RAPGEF6: variants seen among roughly 807,000 people sequenced by gnomAD.
RAPGEF6 encodes the protein Rap guanine nucleotide exchange factor 6.
A neutral mutation model predicts 171.4 loss-of-function variants in RAPGEF6; 56 were observed. The ratio of observed to expected loss-of-function variants is 0.33; its 90% CI spans 0.26 to 0.41. The LOEUF is 0.41. RAPGEF6 is among the 10% of genes least tolerant of loss of function. The pLI, the probability that RAPGEF6 is intolerant of heterozygous loss-of-function variation, is 1.00. For synonymous variants in RAPGEF6, 692 were observed against 650.1 expected, an observed-to-expected ratio of 1.06 and a Z score of -0.98; for missense variants, 1,674 against 1,921.4, an observed-to-expected ratio of 0.87 and a Z score of 2.41.
At chr5:131,510,598 G>A (rs1267104862) in intron 7 of RAPGEF6, 107 bp from the exon 8 acceptor site, 2 of 1,001,456 alleles carry the variant, frequency 2.0e-6, no homozygotes, top group Non-Finnish European at 2.9e-6. Context: ...AAAGACTTGG[G>A]CAACGCTGGA....
chr5:131,463,671 T>A, intron 18 of RAPGEF6: 1 of 856,362 alleles, frequency 1.2e-6, no homozygotes, highest in Non-Finnish European at 1.4e-6. Context: ...TTAAAATTTT[T>A]AAAATTTTCC....
At chr5:131,587,058 C>A (rs1763295037) in intron 4 of RAPGEF6, among the ~76,000 whole-genome samples, 1 of 152,224 alleles carries the variant, frequency 6.6e-6, no homozygotes, top group South Asian at 2.1e-4. Flanking sequence ...GGGAAGCATA[C>A]TAGCAGAAAT....
At chr5:131,440,198 T>G (rs941739325) in intron 23 of RAPGEF6, 1 of 456,350 alleles carries the variant, frequency 2.2e-6, no homozygotes, top group Non-Finnish European at 4.4e-6. Flanking sequence ...GGGCTGCCAG[T>G]CCAGCCCTTT....
intron 1 of RAPGEF6, among the ~76,000 whole-genome samples, chr5:131,617,546 G>A (rs964040535): frequency 5.3e-5 from 8 of 152,058 alleles, no homozygotes; most frequent in Non-Finnish European, 1.0e-4. Context: ...TCCACCTCCC[G>A]GGTTCAAGCG....
intron 5 of RAPGEF6, among the ~76,000 whole-genome samples, chr5:131,549,491 A>G (rs1760773561): frequency 6.6e-6 from 1 of 152,164 alleles, no homozygotes; most frequent in Non-Finnish European, 1.5e-5. Flanking sequence ...ATAAAGTTCA[A>G]TTTATAAATT....
chr5:131,463,952 A>G lies in RAPGEF6; in HGVS notation c.2480+89T>C, dbSNP rs980491514. ...GTGAATTTAGGAGCACTAAAACATG[A>G]TAATGTTTCTACTTACAATAGCTGT... On this transcript the variant is annotated intron_variant, in intron 18 of 27. Coordinates refer to ENST00000509018, the MANE Select transcript of RAPGEF6 (RefSeq NM_016340.6). 9.4e-6 allele frequency: 14 copies of G among 1,491,226 alleles called. No individual in the cohort carries two copies. In the South Asian group the frequency reaches 1.9e-4, roughly 20 times the overall value. 92.4% of individuals were successfully genotyped at this position (1,491,226 alleles called of 1,614,324 possible).
At chr5:131,593,617 C>T (rs898231707) in intron 3 of RAPGEF6, among the ~76,000 whole-genome samples, 4 of 152,122 alleles carry the variant, frequency 2.6e-5, no homozygotes. Flanking sequence ...ACAATGAAGT[C>T]CAGGCTGAGG....
At chr5:131,617,117 A>G (rs1765312563) in intron 1 of RAPGEF6, among the ~76,000 whole-genome samples, 2 of 152,226 alleles carry the variant, frequency 1.3e-5, no homozygotes, top group East Asian at 3.8e-4. Context: ...ATGCTGAGGA[A>G]TCTTCTACAA....
intron 7 of RAPGEF6, chr5:131,511,257 A>C (rs901207138): frequency 4.0e-4 from 61 of 152,150 alleles, no homozygotes; most frequent in African/African-American, 1.5e-3. Flanking sequence ...GGTACTAAGT[A>C]GATTCTTAAA....
chr5:131,456,439 G>A (rs1753508829), intron 19 of RAPGEF6, among the ~76,000 whole-genome samples: 1 of 152,106 alleles, frequency 6.6e-6, no homozygotes, highest in Non-Finnish European at 1.5e-5. Flanking sequence ...TGCACCTTAG[G>A]AAGCCTTTTT....
intron 3 of RAPGEF6, among the ~76,000 whole-genome samples, chr5:131,601,449 A>G (rs1168490378): frequency 6.6e-6 from 1 of 152,120 alleles, no homozygotes; most frequent in Non-Finnish European, 1.5e-5. Flanking sequence ...GACATACCCA[A>G]CAAAGGACTT....
Position 131,461,775 on chromosome 5 carries a change from T to C in RAPGEF6, c.2794A>G (p.Lys932Glu). Reference sequence around the variant, plus strand: ...TGAAGTGCAATTTTAATAAAATGCTTAATAATCTTCATTCGTTTGAGCTGA... The same window carrying C: ...TGAAGTGCAATTTTAATAAAATGCTCAATAATCTTCATTCGTTTGAGCTGA... ...ANQLKRMKIIKHFIKIALHCR... is the reference protein window; with the variant it reads ...ANQLKRMKIIEHFIKIALHCR... The change falls in exon 19 of 28, where the codon AAG becomes GAG. Residue 932 changes from lysine (K) to glutamate (E), a missense_variant. Transcript: ENST00000509018. The C allele has an allele frequency of 1.2e-6, 2 of 1,612,804 alleles. No homozygotes were observed. The highest frequency in any genetic ancestry group is 1.7e-6 in the Non-Finnish European group (2 of 1,178,914).
intron 15 of RAPGEF6, among the ~76,000 whole-genome samples, chr5:131,485,944 C>CT (rs940673837): frequency 6.6e-5 from 10 of 152,164 alleles, no homozygotes; most frequent in African/African-American, 2.2e-4. Flanking sequence ...TTGCTTGACT[C>CT]TGTTTTTAAA....
At chr5:131,492,545 A>T in intron 14 of RAPGEF6, 37 bp downstream of exon 14, 1 of 1,592,680 alleles carries the variant, frequency 6.3e-7, no homozygotes, top group South Asian at 1.1e-5. Context: ...AATACTTTTA[A>T]GAAGGCTTGA....
At chr5:131,558,478 CT>C (rs1020123448) in intron 5 of RAPGEF6, among the ~76,000 whole-genome samples, 70 of 152,124 alleles carry the variant, frequency 4.6e-4, no homozygotes, top group Middle Eastern at 3.4e-3. Context: ...TTTTATGCCA[CT>C]GATATTTATT....
intron 6 of RAPGEF6, among the ~76,000 whole-genome samples, chr5:131,525,980 A>G (rs1198971516): frequency 6.6e-6 from 1 of 152,208 alleles, no homozygotes; most frequent in Non-Finnish European, 1.5e-5. Flanking sequence ...CGATTAAGCA[A>G]CTTATCCCAG....
At chr5:131,430,734 T>C in intron 26 of RAPGEF6, 125 bp downstream of exon 26, 1 of 1,311,872 alleles carries the variant, frequency 7.6e-7, no homozygotes, top group Non-Finnish European at 1.1e-6. Flanking sequence ...TGTTTGTTTG[T>C]GAAGGAAAGA....
At chr5:131,593,038 AG>A (rs1404757437) in intron 3 of RAPGEF6, among the ~76,000 whole-genome samples, 3 of 152,256 alleles carry the variant, frequency 2.0e-5, no homozygotes, top group African/African-American at 7.2e-5. Context: ...GTAAATGAAC[AG>A]AAGATTAAAA....
At chr5:131,463,746 A>T in intron 18 of RAPGEF6, 2 of 1,020,260 alleles carry the variant, frequency 2.0e-6, no homozygotes. Context: ...TCTTTTGCCA[A>T]AGTACATACT....
Sources: allele counts gnomAD v4.1 joint callset (sites outside exome capture counted in the v4.1 genomes callset), GRCh38; gene constraint gnomAD v4.1.1; transcripts MANE v1.5; gene names NCBI Gene and HGNC (gene_info 2026-07-23, HGNC 2026-07-21).